CREB3L2: variants seen among roughly 807,000 people sequenced by gnomAD.
CREB3L2 encodes cyclic AMP-responsive element-binding protein 3-like protein 2.
Under a neutral mutation model 57.2 loss-of-function variants are expected in CREB3L2, and 23 were observed. That is an observed-to-expected ratio of 0.40 (90% CI 0.29 to 0.57). The LOEUF (loss-of-function observed/expected upper bound fraction) is 0.57, where lower values mean the gene tolerates loss of function less well. CREB3L2 is among the 20% of genes least tolerant of loss of function. The probability of loss-of-function intolerance (pLI) is 0.42; values close to 1 mark genes in which losing one functional copy is unlikely to be tolerated. For missense variants in CREB3L2, 628 were observed against 634.7 expected, an observed-to-expected ratio of 0.99 and a Z score of 0.11; for synonymous variants, 268 against 265.1, an observed-to-expected ratio of 1.01 and a Z score of -0.11.
chr7:137,894,906 C>T (rs1327087195), intron 8 of CREB3L2, among the ~76,000 whole-genome samples: 1 of 152,256 alleles, frequency 6.6e-6, no homozygotes, highest in South Asian at 2.1e-4. Context: ...GTTCTCGTCC[C>T]CATTCTACCT....
chr7:137,940,201 C>T (rs1307913128), intron 1 of CREB3L2, among the ~76,000 whole-genome samples: 1 of 152,184 alleles, frequency 6.6e-6, no homozygotes, highest in East Asian at 1.9e-4. Flanking sequence ...CTCTCTTAAA[C>T]AGAAGGCATC....
intron 1 of CREB3L2, among the ~76,000 whole-genome samples, chr7:137,971,614 T>C (rs1337347985): frequency 6.6e-6 from 1 of 152,102 alleles, no homozygotes; most frequent in African/African-American, 2.4e-5. Flanking sequence ...CCTGGATCTC[T>C]TTCCCCATTG....
intron 1 of CREB3L2, among the ~76,000 whole-genome samples, chr7:137,943,350 CT>C (rs1483062270): frequency 6.6e-6 from 1 of 152,004 alleles, no homozygotes; most frequent in African/African-American, 2.4e-5. Flanking sequence ...CAAAGAATGG[CT>C]TCCCTTGAGG....
rs1387966178 is a variant in CREB3L2, at chr7:137,882,516, C to A, written c.1383G>T (p.Arg461Ser). Residue 461 changes from arginine to serine, a missense_variant, in exon 11 of 12, where the codon AGG becomes AGT. By Grantham distance (110) the Arg-to-Ser change is moderately radical. Transcript: ENST00000330387. ...GGWDRGSSLL[R>S]VSGLESRPDV... Reference sequence around the variant, plus strand: ...CCGGCCTGGACTCCAGCCCTGACACCCTGAGCAGGGAGGAACCTCTATCCC... The same window carrying A: ...CCGGCCTGGACTCCAGCCCTGACACACTGAGCAGGGAGGAACCTCTATCCC... 6.2e-7 allele frequency: 1 copy of A among 1,613,826 alleles called. No homozygotes were observed. Among genetic ancestry groups the A allele is most frequent in the African/African-American group, 1.3e-5 (1 of 74,900 alleles).
intron 1 of CREB3L2, among the ~76,000 whole-genome samples, chr7:137,938,722 C>T (rs1009600003): frequency 1.3e-5 from 2 of 152,162 alleles, no homozygotes; most frequent in South Asian, 2.1e-4. Context: ...ATATTTGCTT[C>T]AAGGGTCATG....
intron 1 of CREB3L2, among the ~76,000 whole-genome samples, chr7:137,990,552 C>T (rs987362136): frequency 6.6e-6 from 1 of 152,244 alleles, no homozygotes; most frequent in South Asian, 2.1e-4. Flanking sequence ...TTAAGTTCCT[C>T]GAATTGGAGG....
intron 8 of CREB3L2, among the ~76,000 whole-genome samples, chr7:137,898,991 G>T (rs532811228): frequency 7.2e-6 from 1 of 139,146 alleles, no homozygotes; most frequent in Non-Finnish European, 1.5e-5. Flanking sequence ...AAGGAAGGAG[G>T]GAGAAAGGAA....
At chr7:137,971,681 A>AAG (rs1801510379) in intron 1 of CREB3L2, among the ~76,000 whole-genome samples, 1 of 151,714 alleles carries the variant, frequency 6.6e-6, no homozygotes, top group African/African-American at 2.4e-5. Flanking sequence ...GATGGTACAA[A>AAG]AAAAAAAAAG....
At chr7:137,981,643 T>C (rs1206805730) in intron 1 of CREB3L2, among the ~76,000 whole-genome samples, 2 of 152,142 alleles carry the variant, frequency 1.3e-5, no homozygotes, top group African/African-American at 2.4e-5. Flanking sequence ...GTGGTTTAGC[T>C]CAAGGAGGGA....
intron 1 of CREB3L2, among the ~76,000 whole-genome samples, chr7:137,998,794 G>C (rs1585686389): frequency 6.6e-6 from 1 of 152,188 alleles, no homozygotes; most frequent in East Asian, 1.9e-4. Context: ...AAGGTCCCCA[G>C]TTCAAAAAGA....
intron 8 of CREB3L2, among the ~76,000 whole-genome samples, chr7:137,901,069 T>C (rs1029806805): frequency 1.3e-5 from 2 of 152,256 alleles, no homozygotes; most frequent in African/African-American, 2.4e-5. Context: ...CATGTATGTG[T>C]ACATGTATGT....
chr7:137,989,432 GTT>G (rs33944427), intron 1 of CREB3L2, among the ~76,000 whole-genome samples: 6 of 106,014 alleles, frequency 5.7e-5, no homozygotes, highest in African/African-American at 1.9e-4. Flanking sequence ...CTTTTCTCCA[GTT>G]TTTTTTTTTT....
At chr7:137,916,743 G>C (rs1022307858) in intron 2 of CREB3L2, among the ~76,000 whole-genome samples, 9 of 151,674 alleles carry the variant, frequency 5.9e-5, no homozygotes, top group African/African-American at 2.2e-4. Flanking sequence ...GAAAGGGAAG[G>C]GAGGGGGAGG....
chr7:137,972,702 A>ACAAC (rs1443718414), intron 1 of CREB3L2, among the ~76,000 whole-genome samples: 1 of 41,042 alleles, frequency 2.4e-5, no homozygotes, highest in African/African-American at 1.6e-4. Context: ...AAAAAAAAAA[A>ACAAC]AAAAAAAAAA....
chr7:137,910,078 T>C (rs1799974871), intron 4 of CREB3L2, among the ~76,000 whole-genome samples: 1 of 152,152 alleles, frequency 6.6e-6, no homozygotes, highest in Admixed American at 6.6e-5. Flanking sequence ...TTGGGTACTT[T>C]ATCAGCAGCA....
chr7:137,887,818 CTAATT>C (rs1799454977), intron 8 of CREB3L2, among the ~76,000 whole-genome samples: 1 of 152,092 alleles, frequency 6.6e-6, no homozygotes, highest in Non-Finnish European at 1.5e-5. Flanking sequence ...GTTAATATCA[CTAATT>C]TAAGTTCTAT....
At chr7:137,883,253 G>A (rs1799336816) in intron 10 of CREB3L2, among the ~76,000 whole-genome samples, 1 of 152,168 alleles carries the variant, frequency 6.6e-6, no homozygotes, top group Admixed American at 6.5e-5. Context: ...TTATTTAATT[G>A]GAATGCTAGC....
intron 1 of CREB3L2, chr7:137,955,468 G>A: frequency 2.6e-6 from 1 of 383,228 alleles, no homozygotes; most frequent in Non-Finnish European, 5.2e-6. Context: ...TACTCATGGA[G>A]TCTAGAAATA....
intron 1 of CREB3L2, among the ~76,000 whole-genome samples, chr7:137,986,798 C>T (rs757983218): frequency 6.6e-6 from 1 of 152,204 alleles, no homozygotes; most frequent in Non-Finnish European, 1.5e-5. Context: ...CACTGGATTT[C>T]GACGTGCCTC....
Sources: gnomAD v4.1 joint callset for allele counts (sites outside exome capture counted in the v4.1 genomes callset) on GRCh38, gnomAD v4.1.1 for gene constraint, MANE v1.5 for transcripts, NCBI Gene and HGNC (gene_info 2026-07-23, HGNC 2026-07-21) for gene names.